CROCC: variants seen among roughly 807,000 people sequenced by gnomAD.
CROCC encodes the protein ciliary rootlet coiled-coil, rootletin, also known as rootletin.
A neutral mutation model predicts 245.2 loss-of-function variants in CROCC; 180 were observed. That is an observed-to-expected ratio of 0.73 (90% CI 0.65 to 0.83). The LOEUF (loss-of-function observed/expected upper bound fraction) is 0.83. Among genes scored for constraint, CROCC ranks in the 40% least tolerant of loss-of-function variants. CROCC has a pLI of 0.00. For synonymous variants in CROCC, 1,205 were observed against 1,241.6 expected, an observed-to-expected ratio of 0.97 and a Z score of 0.62; for missense variants, 2,688 against 2,779.4, an observed-to-expected ratio of 0.97 and a Z score of 0.74.
chr1:16,937,244 G>A (rs1392185074), intron 9 of CROCC, among the ~76,000 whole-genome samples: 13 of 152,172 alleles, frequency 8.5e-5, no homozygotes, highest in Non-Finnish European at 5.9e-5. Flanking sequence ...TCCCAGCTAC[G>A]AGGGAGGCTG....
intron 25 of CROCC, among the ~76,000 whole-genome samples, chr1:16,957,748 C>A (rs1329893730): frequency 6.6e-6 from 1 of 152,022 alleles, no homozygotes; most frequent in Admixed American, 6.6e-5. Context: ...CCTGGCCCCC[C>A]CAAATTTTTT....
Position 16,969,953 on chromosome 1 carries a change from C to T in CROCC, c.5451+19C>T, listed in dbSNP as rs760068460. On this transcript the variant is annotated intron_variant, in intron 33 of 36. Coordinates refer to ENST00000375541, the MANE Select transcript of CROCC (RefSeq NM_014675.5). The stretch of plus-strand genomic sequence containing the variant: ...ACGGGAGGTGAGGGCCAGGGTGTGC[C>T]CCCTCTGTCCCCAAGACTGTGAGGC... 12 of 1,564,468 alleles carry T rather than the reference C, an allele frequency of 7.7e-6. No homozygotes were observed. Among genetic ancestry groups the T allele is most frequent in the African/African-American group, 1.4e-5 (1 of 73,866 alleles).
chr1:16,922,184 G>A (rs1190342912), intron 1 of CROCC, 106 bp downstream of exon 1: 3 of 1,160,580 alleles, frequency 2.6e-6, no homozygotes, highest in East Asian at 2.7e-5. Context: ...TGGGAGAGGT[G>A]TGGTGGTGGT....
intron 27 of CROCC, among the ~76,000 whole-genome samples, chr1:16,964,925 C>A (rs1189761943): frequency 6.6e-6 from 1 of 152,238 alleles, no homozygotes; most frequent in Non-Finnish European, 1.5e-5. Context: ...AGGTGATCCA[C>A]CTGCCTTGGC....
chr1:16,969,321 A>G lies in CROCC; in HGVS notation c.5282A>G (p.His1761Arg), dbSNP rs149585212. The G allele has an allele frequency of 4.3e-5, 70 of 1,611,576 alleles. No homozygotes were observed. The highest frequency in any genetic ancestry group is 2.1e-4 in the Middle Eastern group (1 of 4,720). Residue 1761 changes from histidine to arginine, a missense_variant, in exon 32 of 37, where the codon CAT becomes CGT. By Grantham distance (29) the His-to-Arg change is conservative. Transcript: ENST00000375541. ...CAGAAGGCTCTGACCGCCTGTGAACATGACCGCCAAGTACTCCAGGTCTCG... is the reference window on the plus strand; with the variant it reads ...CAGAAGGCTCTGACCGCCTGTGAACGTGACCGCCAAGTACTCCAGGTCTCG... ...HLQKALTACEHDRQVLQERLD... is the reference protein window; with the variant it reads ...HLQKALTACERDRQVLQERLD...
rs542894293 is a variant in CROCC, at chr1:16,932,388, C to T, written c.956+991C>T. ...CTGGGAGGCAGAGGTTGCGGTGAGC[C>T]GAGATCTCGCCATTGTACTCCGGCC... is the stretch of plus-strand genomic sequence containing the variant. On this transcript the variant is annotated intron_variant, in intron 8 of 36. Coordinates refer to ENST00000375541, the MANE Select transcript of CROCC (RefSeq NM_014675.5). Among the ~76,000 whole-genome samples, 55 of 152,338 alleles carry T rather than the reference C, an allele frequency of 3.6e-4. 1 individual carries two copies. The South Asian group carries it at 0.011, about 31-fold the overall frequency.
intron 27 of CROCC, 46 bp downstream of exon 27, chr1:16,961,176 G>T: frequency 3.1e-6 from 4 of 1,276,100 alleles, no homozygotes; most frequent in Non-Finnish European, 3.0e-6. Context: ...TGGGCGGGCC[G>T]CACTGAGGCC....
intron 8 of CROCC, among the ~76,000 whole-genome samples, chr1:16,932,933 T>C (rs1246384284): frequency 6.6e-6 from 1 of 152,270 alleles, no homozygotes; most frequent in Non-Finnish European, 1.5e-5. Context: ...CTACCTCAGA[T>C]CCTGTGCAGC....
Position 16,930,595 on chromosome 1 carries a change from G to A in CROCC, c.849+1G>A, listed in dbSNP as rs773693135. ...GGCGGCGTGGAGGCGCGAGGAGGAG[G>A]TGGGCATGGGGGTGCAGGGAGGCCA... On this transcript the variant is annotated splice_donor_variant, in intron 7 of 36. Coordinates refer to ENST00000375541, the MANE Select transcript of CROCC (RefSeq NM_014675.5). LOFTEE classifies it high-confidence loss of function. 1.1e-4 allele frequency: 182 copies of A among 1,606,884 alleles called. No homozygotes were observed. The highest frequency in any genetic ancestry group is 1.5e-4 in the Non-Finnish European group (175 of 1,177,382).
chr1:16,919,049 T>G (rs758111320), upstream of CROCC, among the ~76,000 whole-genome samples: 164 of 152,412 alleles, frequency 1.1e-3, no homozygotes, highest in Non-Finnish European at 2.0e-3. Flanking sequence ...GCTGGTTTAG[T>G]TTTGCCCAAA....
At chr1:16,926,983 A>G (rs1381898740) in intron 3 of CROCC, among the ~76,000 whole-genome samples, 2 of 152,248 alleles carry the variant, frequency 1.3e-5, no homozygotes, top group African/African-American at 4.8e-5. Flanking sequence ...TCTGGTTCTG[A>G]GCACTGGAGA....
intron 26 of CROCC, among the ~76,000 whole-genome samples, chr1:16,959,538 G>C (rs2100520548): frequency 6.6e-6 from 1 of 152,312 alleles, no homozygotes; most frequent in Middle Eastern, 3.4e-3. Context: ...GCACAGCCGA[G>C]CATGTATGAA....
At chr1:16,937,088 C>T (rs535206071) in intron 9 of CROCC, among the ~76,000 whole-genome samples, 2,325 of 151,996 alleles carry the variant, frequency 0.015, 7 homozygotes, top group African/African-American at 0.052. Flanking sequence ...GGTGTGGTGG[C>T]TCACACCTGT....
At chr1:16,916,535 C>G (rs2075306402) in intron 1 of CROCC, among the ~76,000 whole-genome samples, 1 of 152,296 alleles carries the variant, frequency 6.6e-6, no homozygotes, top group African/African-American at 2.4e-5. Context: ...GAGACAGGGT[C>G]TTGCTCTGTC....
chr1:16,935,676 G>A (rs1418729092), intron 8 of CROCC, among the ~76,000 whole-genome samples: 4 of 152,062 alleles, frequency 2.6e-5, no homozygotes, highest in East Asian at 3.9e-4. Flanking sequence ...CGCCCTCCTC[G>A]GCCTCCCAAA....
upstream of CROCC, among the ~76,000 whole-genome samples, chr1:16,921,540 T>C (rs1200896094): frequency 6.6e-6 from 1 of 152,286 alleles, no homozygotes; most frequent in Admixed American, 6.5e-5. Context: ...CATTCTTAGC[T>C]AACCATGTGA....
At chr1:16,926,238 C>G (rs2075532240) in intron 3 of CROCC, among the ~76,000 whole-genome samples, 1 of 152,276 alleles carries the variant, frequency 6.6e-6, no homozygotes, top group Admixed American at 6.5e-5. Flanking sequence ...CAGGAATGAC[C>G]TCAAAGGCCT....
rs2076503973 is a variant in CROCC, at chr1:16,970,734, G to C, written c.5751G>C (p.Leu1917=). 1.9e-6 allele frequency: 3 copies of C among 1,603,596 alleles called. No individual in the cohort carries two copies. In the Middle Eastern group the frequency reaches 6.0e-4, roughly 321 times the overall value. ...CCCTCACGGGGGCTGAGCTGGAGCTGGCAGAGGCGCAGAGGCAGATCCAGC... is the reference window on the plus strand; with the variant it reads ...CCCTCACGGGGGCTGAGCTGGAGCTCGCAGAGGCGCAGAGGCAGATCCAGC... ...DRTLTGAELE[L]AEAQRQIQQL... is the part of the protein sequence containing the mutation. Residue 1917 remains leucine, a synonymous_variant, in exon 35 of 37, where the codon CTG becomes CTC. Coordinates refer to ENST00000375541, the MANE Select transcript of CROCC (RefSeq NM_014675.5).
At chr1:16,931,099 C>T (rs563917315) in intron 7 of CROCC, among the ~76,000 whole-genome samples, 192 bp from the exon 8 acceptor site, 109 of 152,386 alleles carry the variant, frequency 7.2e-4, no homozygotes, top group Non-Finnish European at 2.4e-4. Context: ...ACCCAGGTCC[C>T]TGTGCAGGAG....
Sources: gnomAD v4.1 joint callset for allele counts (sites outside exome capture counted in the v4.1 genomes callset) on GRCh38, gnomAD v4.1.1 for gene constraint, MANE v1.5 for transcripts, NCBI Gene and HGNC (gene_info 2026-07-23, HGNC 2026-07-21) for gene names.